CTNNA3: variants seen among roughly 807,000 people sequenced by gnomAD.
CTNNA3 encodes the protein catenin alpha-3.
In CTNNA3, 76 loss-of-function variants were observed where a neutral mutation model predicts 95.7. The observed-to-expected ratio is 0.79, with a 90% CI of 0.66 to 0.96. The LOEUF is 0.96. CTNNA3 is among the 40% of genes least tolerant of loss of function. The pLI is 0.00. For synonymous variants in CTNNA3, 431 were observed against 374.4 expected (o/e 1.15, Z -1.74); for missense variants, 1,191 against 1,089.8 (o/e 1.09, Z -1.31).
At chr10:66,119,585 C>T (rs1432782519) in intron 13 of CTNNA3, among the ~76,000 whole-genome samples, 2 of 151,934 alleles carry the variant, frequency 1.3e-5, no homozygotes, top group Admixed American at 1.3e-4. Context: ...AATTGTAAAG[C>T]TTTTTTAGGC....
In CTNNA3 at chr10:67,493,332, C is replaced by T. The variant is rs549759688; in HGVS notation, c.579+28510G>A. ...AATCCCAGCACTTGGGAGGCCGAGG[C>T]GGGTGGATCATGAGGTCAGGGAATC... On this transcript the variant is annotated intron_variant, in intron 5 of 17. Coordinates refer to ENST00000433211, the MANE Select transcript of CTNNA3 (RefSeq NM_013266.4). Among the ~76,000 whole-genome samples the T allele has an allele frequency of 2.0e-5, 3 of 152,074 alleles. 1 individual carries two copies. The highest frequency in any genetic ancestry group is 4.8e-5 in the African/African-American group (2 of 41,504).
At chr10:67,030,809 T>C (rs1288393620) in intron 7 of CTNNA3, among the ~76,000 whole-genome samples, 1 of 151,986 alleles carries the variant, frequency 6.6e-6, no homozygotes, top group Non-Finnish European at 1.5e-5. Flanking sequence ...TTTGAGATCA[T>C]CCTTACCAAC....
intron 5 of CTNNA3, among the ~76,000 whole-genome samples, chr10:67,461,399 C>T (rs1255638722): frequency 6.6e-6 from 1 of 152,042 alleles, no homozygotes; most frequent in African/African-American, 2.4e-5. Context: ...CCCCAAAATC[C>T]CCATTCCTGA....
intron 11 of CTNNA3, among the ~76,000 whole-genome samples, chr10:66,422,210 T>G (rs541623133): frequency 2.6e-5 from 4 of 152,110 alleles, no homozygotes; most frequent in Non-Finnish European, 5.9e-5. Flanking sequence ...CAATGACTTT[T>G]GCAGCAATTT....
At chr10:66,193,982 C>T (rs1281089847) in intron 13 of CTNNA3, among the ~76,000 whole-genome samples, 1 of 152,106 alleles carries the variant, frequency 6.6e-6, no homozygotes, top group Non-Finnish European at 1.5e-5. Flanking sequence ...ATTATGTCTT[C>T]TTTCAGAGAG....
intron 12 of CTNNA3, among the ~76,000 whole-genome samples, chr10:66,342,354 GA>G (rs1037797501): frequency 2.6e-5 from 4 of 151,956 alleles, no homozygotes; most frequent in Non-Finnish European, 4.4e-5. Flanking sequence ...TTGAGGACAT[GA>G]AAAATACATC....
chr10:66,900,039 G>A (rs1589394187), intron 7 of CTNNA3, among the ~76,000 whole-genome samples: 1 of 152,222 alleles, frequency 6.6e-6, no homozygotes, highest in Middle Eastern at 3.4e-3. Flanking sequence ...CAAACAGACG[G>A]CCCCCTCAAG....
chr10:67,208,378 C>CAA (rs3056794), intron 6 of CTNNA3, among the ~76,000 whole-genome samples: 5,600 of 92,834 alleles, frequency 0.06, 159 homozygotes, highest in South Asian at 0.11. Context: ...GACTCTGTCT[C>CAA]AAAAAAAAAA....
At chr10:65,969,013 C>T (rs1317751885) in intron 16 of CTNNA3, among the ~76,000 whole-genome samples, 1 of 152,164 alleles carries the variant, frequency 6.6e-6, no homozygotes, top group Non-Finnish European at 1.5e-5. Flanking sequence ...AAGCCCATTG[C>T]CTGAGGCAAG....
chr10:66,413,499 T>C (rs2093123952), intron 11 of CTNNA3, among the ~76,000 whole-genome samples: 1 of 152,232 alleles, frequency 6.6e-6, no homozygotes, highest in African/African-American at 2.4e-5. Context: ...CAAATTGGCC[T>C]TAAAAACAGG....
intron 5 of CTNNA3, among the ~76,000 whole-genome samples, chr10:67,400,365 G>C (rs1035706200): frequency 6.6e-6 from 1 of 152,150 alleles, no homozygotes; most frequent in Admixed American, 6.5e-5. Flanking sequence ...AAATGTTACA[G>C]ATGTATTATG....
chr10:66,457,275 C>G (rs545197127), intron 11 of CTNNA3, among the ~76,000 whole-genome samples: 15 of 151,980 alleles, frequency 9.9e-5, no homozygotes, highest in Middle Eastern at 3.4e-3. Flanking sequence ...AGCTAAACTT[C>G]AAAATTGGAG....
chr10:67,445,609 G>A (rs1192571992), intron 5 of CTNNA3, among the ~76,000 whole-genome samples: 1 of 151,988 alleles, frequency 6.6e-6, no homozygotes, highest in African/African-American at 2.4e-5. Flanking sequence ...GTTGTACCGG[G>A]GATTAGATTT....
intron 11 of CTNNA3, among the ~76,000 whole-genome samples, chr10:66,443,606 T>G (rs1290191995): frequency 6.6e-6 from 1 of 152,160 alleles, no homozygotes; most frequent in African/African-American, 2.4e-5. Flanking sequence ...AACCTGCATC[T>G]GAGGGTCCTG....
intron 9 of CTNNA3, among the ~76,000 whole-genome samples, chr10:66,687,547 A>T (rs1847343114): frequency 6.6e-6 from 1 of 152,144 alleles, no homozygotes; most frequent in Admixed American, 6.6e-5. Context: ...AATAAACAAG[A>T]CATAGTAAAA....
At position 66,631,017 on chromosome 10, in the gene CTNNA3, A is replaced by G. The variant is rs138973659; in HGVS notation, c.1282-9233T>C. On this transcript the variant is annotated intron_variant, in intron 9 of 17. Coordinates refer to ENST00000433211, the MANE Select transcript of CTNNA3 (RefSeq NM_013266.4). ...AACTAAAACTCTGTCTCCAAATACTACAAGAAGATAGAGGTAGGTGAACTT... is the reference window on the plus strand; with the variant it reads ...AACTAAAACTCTGTCTCCAAATACTGCAAGAAGATAGAGGTAGGTGAACTT... Among the ~76,000 whole-genome samples, 533 of 152,294 alleles carry G rather than the reference A, an allele frequency of 3.5e-3. 6 individuals carry two copies. Among genetic ancestry groups the G allele is most frequent in the African/African-American group, 0.013 (522 of 41,574 alleles).
chr10:67,607,335 G>T (rs1388223549), intron 2 of CTNNA3, among the ~76,000 whole-genome samples: 1 of 150,806 alleles, frequency 6.6e-6, no homozygotes, highest in African/African-American at 2.5e-5. Flanking sequence ...ACAATAAGAT[G>T]AGCTAGAGAG....
chr10:67,362,316 A>G (rs1350950486), intron 5 of CTNNA3, among the ~76,000 whole-genome samples: 1 of 152,098 alleles, frequency 6.6e-6, no homozygotes, highest in African/African-American at 2.4e-5. Flanking sequence ...CAAAGACAGG[A>G]TGAAAAAAGA....
rs112052188 is a variant in CTNNA3 at position 66,654,209 on chromosome 10, G to A, written c.1282-32425C>T. On this transcript the variant is annotated intron_variant, in intron 9 of 17. Transcript: ENST00000433211. Reference sequence around the variant, plus strand: ...AGAAAATATTGTAAACCATATATCTGATAAGGAGTTAATACCAAAAATGTA... The same window carrying A: ...AGAAAATATTGTAAACCATATATCTAATAAGGAGTTAATACCAAAAATGTA... Among the ~76,000 whole-genome samples, 569 of 152,064 alleles carry A rather than the reference G, an allele frequency of 3.7e-3. 4 individuals carry two copies. Among genetic ancestry groups the A allele is most frequent in the African/African-American group, 0.013 (544 of 41,510 alleles).
Sources: gnomAD v4.1 joint callset for allele counts (sites outside exome capture counted in the v4.1 genomes callset) on GRCh38, gnomAD v4.1.1 for gene constraint, MANE v1.5 for transcripts, NCBI Gene and HGNC (gene_info 2026-07-23, HGNC 2026-07-21) for gene names.